The following PALM2AKAP2 variants were observed in gnomAD, a reference collection of about 807,000 sequenced individuals.
PALM2AKAP2 encodes PALM2-AKAP2 fusion protein.
Under a neutral mutation model 71.5 loss-of-function variants are expected in PALM2AKAP2, and 37 were observed. The observed-to-expected ratio is 0.52, with a 90% CI of 0.40 to 0.68. The LOEUF (loss-of-function observed/expected upper bound fraction) is 0.68. Ranked by LOEUF, PALM2AKAP2 falls within the 30% of genes least tolerant of loss-of-function variation. PALM2AKAP2 has a pLI of 0.00. For missense variants in PALM2AKAP2, 1,224 were observed against 1,191.8 expected, an observed-to-expected ratio of 1.03 and a Z score of -0.40; for synonymous variants, 468 against 478.8, an observed-to-expected ratio of 0.98 and a Z score of 0.29.
intron 1 of PALM2AKAP2, among the ~76,000 whole-genome samples, chr9:109,759,441 C>A (rs1010753614): frequency 6.6e-6 from 1 of 152,240 alleles, no homozygotes; most frequent in South Asian, 2.1e-4. Context: ...TAGTGTGAAT[C>A]ATTTAGTCTC....
chr9:109,849,923 A>G (rs937298763), intron 1 of PALM2AKAP2, among the ~76,000 whole-genome samples: 1 of 152,074 alleles, frequency 6.6e-6, no homozygotes, highest in Non-Finnish European at 1.5e-5. Context: ...CTGGTTCTTC[A>G]GTTTTCCCCC....
chr9:110,069,368 G>A (rs1834155618), intron 1 of PALM2AKAP2, among the ~76,000 whole-genome samples: 1 of 152,208 alleles, frequency 6.6e-6, no homozygotes, highest in Non-Finnish European at 1.5e-5. Flanking sequence ...ATTTTCATTT[G>A]TGTATGCCTG....
upstream of PALM2AKAP2, among the ~76,000 whole-genome samples, chr9:109,778,768 A>AT (rs34459734): frequency 0.18 from 24,898 of 141,294 alleles, 2,413 homozygotes; most frequent in Admixed American, 0.21. Flanking sequence ...TTTGATGTGC[A>AT]TTTTTTTTTT....
intron 1 of PALM2AKAP2, among the ~76,000 whole-genome samples, chr9:109,767,401 G>A (rs778109601): frequency 2.0e-5 from 3 of 152,180 alleles, no homozygotes; most frequent in African/African-American, 2.4e-5. Context: ...GGATTAGGGC[G>A]TGGGCATCTT....
intron 1 of PALM2AKAP2, among the ~76,000 whole-genome samples, chr9:109,839,928 G>T (rs1828605936): frequency 6.6e-6 from 1 of 152,124 alleles, no homozygotes; most frequent in Non-Finnish European, 1.5e-5. Flanking sequence ...TCGTGAAAAT[G>T]GTCATACTAC....
rs1012376072 is a variant in PALM2AKAP2 at position 109,799,785 on chromosome 9, G to C, written c.45+19252G>C. Among the ~76,000 whole-genome samples, 6 of 152,108 alleles carry C rather than the reference G, an allele frequency of 3.9e-5. No homozygotes were observed. In the East Asian group the frequency reaches 9.6e-4, roughly 24 times the overall value. On this transcript the variant is annotated intron_variant, in intron 1 of 9. Transcript: ENST00000302798. Reference sequence around the variant, plus strand: ...GTTGGGATTACAGGCATGAACCACCGCGTCGGCCACCATTAGGTTTTTAAC... The same window carrying C: ...GTTGGGATTACAGGCATGAACCACCCCGTCGGCCACCATTAGGTTTTTAAC...
intron 1 of PALM2AKAP2, among the ~76,000 whole-genome samples, chr9:110,104,815 C>T (rs1375257380): frequency 1.3e-5 from 2 of 152,298 alleles, no homozygotes; most frequent in East Asian, 3.9e-4. Context: ...GATGATAGCT[C>T]CAAGCTATCT....
intron 1 of PALM2AKAP2, among the ~76,000 whole-genome samples, chr9:109,851,875 C>T (rs1264968153): frequency 6.6e-6 from 1 of 152,088 alleles, no homozygotes; most frequent in Non-Finnish European, 1.5e-5. Flanking sequence ...ACTGGGTCAC[C>T]TCTATTAGTG....
intron 1 of PALM2AKAP2, among the ~76,000 whole-genome samples, chr9:109,647,782 A>G (rs1827174416): frequency 6.6e-6 from 1 of 152,224 alleles, no homozygotes; most frequent in African/African-American, 2.4e-5. Context: ...ACTTACAAAG[A>G]CAAAGCTTAA....
intron 6 of PALM2AKAP2, among the ~76,000 whole-genome samples, chr9:109,964,380 G>C (rs1831906131): frequency 6.6e-6 from 1 of 152,248 alleles, no homozygotes; most frequent in South Asian, 2.1e-4. Context: ...ACTGCAGGCA[G>C]AGGCAGAGGC....
intron 7 of PALM2AKAP2, among the ~76,000 whole-genome samples, chr9:110,019,795 G>A (rs1179386354): frequency 2.0e-5 from 3 of 152,100 alleles, no homozygotes; most frequent in Non-Finnish European, 4.4e-5. Context: ...AAAAGAAGGG[G>A]CAATAGAGAA....
chr9:109,844,449 C>T (rs886150039), intron 1 of PALM2AKAP2, among the ~76,000 whole-genome samples: 1 of 152,118 alleles, frequency 6.6e-6, no homozygotes, highest in Non-Finnish European at 1.5e-5. Flanking sequence ...ATAGTGCAAC[C>T]CAGAGTCTTT....
At chr9:109,927,558 C>G (rs948450624) in intron 5 of PALM2AKAP2, among the ~76,000 whole-genome samples, 17 of 152,164 alleles carry the variant, frequency 1.1e-4, no homozygotes, top group Admixed American at 1.1e-3. Context: ...CTGCTGGTGT[C>G]TGTGTGTGTA....
chr9:110,133,558 T>A (rs886214109), intron 1 of PALM2AKAP2, among the ~76,000 whole-genome samples: 2 of 152,204 alleles, frequency 1.3e-5, no homozygotes, highest in African/African-American at 4.8e-5. Context: ...ACGTTGCCCT[T>A]CTTCCTCTCC....
chr9:109,954,658 T>TAAAAAA (rs56743395), intron 6 of PALM2AKAP2, among the ~76,000 whole-genome samples: 209 of 107,744 alleles, frequency 1.9e-3, no homozygotes, highest in African/African-American at 2.9e-3. Context: ...TAAAGTATAA[T>TAAAAAA]AAAAAAAAAA....
intron 6 of PALM2AKAP2, among the ~76,000 whole-genome samples, chr9:110,005,610 C>G (rs535101447): frequency 6.6e-6 from 1 of 152,342 alleles, no homozygotes; most frequent in South Asian, 2.1e-4. Context: ...TTTGGCTGTG[C>G]CCTGCCCCCA....
chr9:109,954,358 C>T (rs1831704658), intron 6 of PALM2AKAP2, among the ~76,000 whole-genome samples: 1 of 152,080 alleles, frequency 6.6e-6, no homozygotes, highest in South Asian at 2.1e-4. Flanking sequence ...TAGACCACAT[C>T]ATCTCCCCAG....
chr9:109,879,220 C>T (rs976960814), intron 2 of PALM2AKAP2, among the ~76,000 whole-genome samples: 9 of 152,252 alleles, frequency 5.9e-5, no homozygotes, highest in African/African-American at 1.9e-4. Flanking sequence ...CTCACCCTGC[C>T]TGATGAGATC....
chr9:110,059,312 C>T (rs2132541303), intron 1 of PALM2AKAP2, among the ~76,000 whole-genome samples: 1 of 152,290 alleles, frequency 6.6e-6, no homozygotes, highest in South Asian at 2.1e-4. Context: ...TGTTTTTACT[C>T]TTAAATTAAC....
Sources: gnomAD v4.1 joint callset for allele counts (sites outside exome capture counted in the v4.1 genomes callset) on GRCh38, gnomAD v4.1.1 for gene constraint, MANE v1.5 for transcripts, NCBI Gene and HGNC (gene_info 2026-07-23, HGNC 2026-07-21) for gene names.